Variants in NBEA observed in about 807,000 individuals in gnomAD.
The protein encoded by NBEA is neurobeachin.
In NBEA, 44 loss-of-function variants were observed where a neutral mutation model predicts 343.4. The observed-to-expected ratio is 0.13, with a 90% CI of 0.10 to 0.16. The LOEUF is 0.16. Ranked by LOEUF, NBEA falls within the 10% of genes least tolerant of loss-of-function variation. NBEA has a pLI of 1.00. For synonymous variants in NBEA, 1,175 were observed against 1,238.7 expected, an observed-to-expected ratio of 0.95 and a Z score of 1.08; for missense variants, 2,555 against 3,631.3, an observed-to-expected ratio of 0.70 and a Z score of 7.62.
intron 38 of NBEA, among the ~76,000 whole-genome samples, chr13:35,430,058 A>G (rs1408007487): frequency 6.6e-6 from 1 of 152,068 alleles, no homozygotes; most frequent in African/African-American, 2.4e-5. Context: ...CATTGTGGGT[A>G]TACCACTTTA....
intron 41 of NBEA, among the ~76,000 whole-genome samples, chr13:35,520,762 C>T (rs564435695): frequency 6.6e-6 from 1 of 152,336 alleles, no homozygotes; most frequent in South Asian, 2.1e-4. Context: ...CTTCTGGCGT[C>T]TCACAACTGT....
At chr13:35,424,345 A>G (rs1182151809) in intron 38 of NBEA, among the ~76,000 whole-genome samples, 1 of 152,178 alleles carries the variant, frequency 6.6e-6, no homozygotes, top group Non-Finnish European at 1.5e-5. Flanking sequence ...ATTTATTGAG[A>G]GTTTTTAGCA....
chr13:35,098,237 G>A, intron 10 of NBEA, 60 bp from the exon 11 acceptor site: 1 of 1,165,034 alleles, frequency 8.6e-7, no homozygotes, highest in South Asian at 1.4e-5. Context: ...TACTGAAGTG[G>A]GACACTGTTT....
intron 41 of NBEA, among the ~76,000 whole-genome samples, chr13:35,488,176 A>G (rs1314253565): frequency 1.3e-5 from 2 of 151,930 alleles, no homozygotes; most frequent in Non-Finnish European, 2.9e-5. Context: ...TAGGCATAAC[A>G]GTTCTTTCTA....
intron 58 of NBEA, 62 bp from the exon 59 acceptor site, chr13:35,670,839 G>A: frequency 8.4e-7 from 1 of 1,189,432 alleles, no homozygotes; most frequent in South Asian, 1.3e-5. Flanking sequence ...ACTGTCTAGT[G>A]TAAAATAGCA....
At chr13:34,981,937 T>G (rs2152507444) in intron 1 of NBEA, among the ~76,000 whole-genome samples, 1 of 151,770 alleles carries the variant, frequency 6.6e-6, no homozygotes, top group South Asian at 2.1e-4. Flanking sequence ...CAGATATTGA[T>G]AATTTATGTT....
intron 47 of NBEA, among the ~76,000 whole-genome samples, chr13:35,594,412 C>G (rs1419690657): frequency 6.6e-6 from 1 of 151,954 alleles, no homozygotes; most frequent in African/African-American, 2.4e-5. Context: ...AAGTTTTGTT[C>G]AGTATTTTTC....
chr13:34,945,198 A>G (rs1355922042), intron 1 of NBEA, among the ~76,000 whole-genome samples: 1 of 152,176 alleles, frequency 6.6e-6, no homozygotes, highest in Non-Finnish European at 1.5e-5. Flanking sequence ...GTTAGGTTTA[A>G]AATTTCTTTG....
At chr13:35,004,492 G>T (rs1027453055) in intron 1 of NBEA, among the ~76,000 whole-genome samples, 1 of 152,224 alleles carries the variant, frequency 6.6e-6, no homozygotes, top group African/African-American at 2.4e-5. Flanking sequence ...TGGACAACTA[G>T]ACTCTGGTAT....
At chr13:35,063,766 G>T (rs1031565528) in intron 8 of NBEA, among the ~76,000 whole-genome samples, 1 of 152,014 alleles carries the variant, frequency 6.6e-6, no homozygotes, top group Non-Finnish European at 1.5e-5. Context: ...GCTCTGGAAA[G>T]TATTGAGACT....
chr13:35,152,754 A>T (rs1002831883), intron 18 of NBEA, among the ~76,000 whole-genome samples: 4 of 152,136 alleles, frequency 2.6e-5, no homozygotes, highest in African/African-American at 7.2e-5. Context: ...GCCACTGGGG[A>T]CATGTGGCTG....
At chr13:35,169,462 C>T (rs905999857) in intron 25 of NBEA, among the ~76,000 whole-genome samples, 2 of 151,192 alleles carry the variant, frequency 1.3e-5, no homozygotes, top group Non-Finnish European at 3.0e-5. Context: ...TTAATTTTTT[C>T]AGTCAAAAAA....
At position 35,232,637 on chromosome 13, in the gene NBEA, T is replaced by C. The variant is rs2075035790; in HGVS notation, c.5776+18T>C. The C allele has an allele frequency of 5.5e-6, 8 of 1,445,892 alleles. No homozygotes were observed. The highest frequency in any genetic ancestry group is 7.4e-6 in the Non-Finnish European group (8 of 1,082,706). The allele number at this position is 1,445,892 out of a possible 1,614,324, so 89.6% of individuals were successfully genotyped here. A position where few individuals can be genotyped will look rare whatever the true frequency, so the allele number is the denominator to read the frequency against. On this transcript the variant is annotated intron_variant, in intron 34 of 58. Transcript: ENST00000379939. ...GATAGAAGGTATGATTTCTCTATTA[T>C]AATTATTTTAGTTTCCTATAATGTA... is the stretch of plus-strand genomic sequence containing the variant.
At chr13:35,206,033 G>A (rs1045279900) in intron 31 of NBEA, among the ~76,000 whole-genome samples, 5 of 152,008 alleles carry the variant, frequency 3.3e-5, no homozygotes, top group African/African-American at 7.2e-5. Context: ...ACTCTGCTGA[G>A]TTTGCAAGCA....
chr13:35,368,336 G>A (rs1356571008), intron 38 of NBEA, among the ~76,000 whole-genome samples: 1 of 151,348 alleles, frequency 6.6e-6, no homozygotes, highest in Non-Finnish European at 1.5e-5. Context: ...ATCTTATAAA[G>A]AAACCTAAAT....
rs529744569 is a variant in NBEA, at chr13:34,969,565, G to A, written c.294+26451G>A. 1.6e-4 allele frequency among the ~76,000 whole-genome samples: 25 copies of A among 151,908 alleles called. No individual in the cohort carries two copies. The East Asian group carries it at 4.5e-3, about 27-fold the overall frequency. On this transcript the variant is annotated intron_variant, in intron 1 of 58. Coordinates refer to ENST00000379939, the MANE Select transcript of NBEA (RefSeq NM_001385012.1). ...TTGATCCTCCCACCCTTGACCCTCCGATAGGCCCAGTGTGTGTTGTTCCCC... is the reference window on the plus strand; with the variant it reads ...TTGATCCTCCCACCCTTGACCCTCCAATAGGCCCAGTGTGTGTTGTTCCCC...
At chr13:35,485,771 A>C (rs536333540) in intron 41 of NBEA, among the ~76,000 whole-genome samples, 1 of 152,248 alleles carries the variant, frequency 6.6e-6, no homozygotes, top group Admixed American at 6.5e-5. Flanking sequence ...CTCATGTCAG[A>C]ATGAAATGAT....
intron 38 of NBEA, among the ~76,000 whole-genome samples, chr13:35,361,505 TG>T (rs1482366912): frequency 6.6e-6 from 1 of 152,052 alleles, no homozygotes; most frequent in Non-Finnish European, 1.5e-5. Context: ...AATCGGAACT[TG>T]ACCTGCACTG....
At chr13:35,638,591 G>A (rs2083803225) in intron 49 of NBEA, among the ~76,000 whole-genome samples, 1 of 152,178 alleles carries the variant, frequency 6.6e-6, no homozygotes, top group Non-Finnish European at 1.5e-5. Context: ...ATCTTCCAGA[G>A]CCAAAGAAGG....
Sources: allele counts gnomAD v4.1 joint callset (sites outside exome capture counted in the v4.1 genomes callset), GRCh38; gene constraint gnomAD v4.1.1; transcripts MANE v1.5; gene names NCBI Gene and HGNC (gene_info 2026-07-23, HGNC 2026-07-21).